The following SUCLG2 variants were observed in gnomAD, a reference collection of about 807,000 sequenced individuals.
The protein encoded by SUCLG2 is succinate-CoA ligase GDP-forming subunit beta.
SUCLG2 carries 42 observed loss-of-function variants against 47.9 expected under a neutral mutation model. The observed-to-expected ratio is 0.88, with a 90% CI of 0.69 to 1.14. SUCLG2 has a LOEUF of 1.14. Ranked by LOEUF, SUCLG2 falls within the 50% of genes most tolerant of loss-of-function variation. SUCLG2 has a pLI of 0.00. For synonymous variants in SUCLG2, 195 were observed against 197.3 expected (o/e 0.99, Z 0.10); for missense variants, 571 against 525.9 (o/e 1.09, Z -0.84).
At chr3:67,480,014 G>A (rs950690568) in intron 9 of SUCLG2, among the ~76,000 whole-genome samples, 3 of 152,144 alleles carry the variant, frequency 2.0e-5, no homozygotes, top group Admixed American at 1.3e-4. Flanking sequence ...AGAAATAGAA[G>A]AGAATAAAAA....
At chr3:67,521,158 T>A (rs1191735202) in intron 4 of SUCLG2, among the ~76,000 whole-genome samples, 1 of 152,206 alleles carries the variant, frequency 6.6e-6, no homozygotes, top group Non-Finnish European at 1.5e-5. Context: ...AAAAGAATAT[T>A]TGCTTGTTCA....
At chr3:67,485,521 G>C (rs1476220495) in intron 9 of SUCLG2, among the ~76,000 whole-genome samples, 1 of 152,164 alleles carries the variant, frequency 6.6e-6, no homozygotes, top group African/African-American at 2.4e-5. Flanking sequence ...CCATTATACT[G>C]CTAGGAAAAT....
At chr3:67,552,867 G>A (rs1393629702) in intron 2 of SUCLG2, among the ~76,000 whole-genome samples, 2 of 152,126 alleles carry the variant, frequency 1.3e-5, no homozygotes, top group Non-Finnish European at 2.9e-5. Context: ...TCATTTGTAA[G>A]CTATTTCAGC....
chr3:67,569,485 T>C (rs1210250667), intron 2 of SUCLG2, among the ~76,000 whole-genome samples: 1 of 152,238 alleles, frequency 6.6e-6, no homozygotes, highest in Non-Finnish European at 1.5e-5. Flanking sequence ...CCCAGAAGGC[T>C]GGACTTTGGC....
intron 2 of SUCLG2, among the ~76,000 whole-genome samples, chr3:67,589,792 G>A (rs191027777): frequency 1.7e-4 from 26 of 152,306 alleles, no homozygotes; most frequent in African/African-American, 4.3e-4. Flanking sequence ...AGCTGGGGGC[G>A]GAAAGAGGAA....
In SUCLG2 at chr3:67,414,364, TC is replaced by T. The variant is rs1223789333; in HGVS notation, c.1063-13514del. On this transcript the variant is annotated intron_variant, in intron 9 of 10. Coordinates refer to ENST00000307227, the MANE Select transcript of SUCLG2 (RefSeq NM_003848.4). The stretch of plus-strand genomic sequence containing the variant: ...CCAAATGACTGTTTTTATAGATGTA[TC>T]GAGTACATTGATGTTGGGGGTACTT... Among the ~76,000 whole-genome samples, 3 of 152,362 alleles carry T rather than the reference TC, an allele frequency of 2.0e-5. No individual in the cohort carries two copies. The East Asian group carries it at 5.8e-4, about 29-fold the overall frequency.
intron 9 of SUCLG2, among the ~76,000 whole-genome samples, chr3:67,461,963 C>A (rs13317382): frequency 6.6e-6 from 1 of 151,738 alleles, no homozygotes. Context: ...CATGCGGGGC[C>A]GGATGATACA....
At chr3:67,511,558 C>T (rs912598780) in intron 6 of SUCLG2, among the ~76,000 whole-genome samples, 5 of 152,160 alleles carry the variant, frequency 3.3e-5, no homozygotes, top group African/African-American at 9.7e-5. Context: ...ACTCTTCCTT[C>T]GTCTTCCACC....
chr3:67,600,910 T>C (rs1708405068), intron 2 of SUCLG2, among the ~76,000 whole-genome samples: 1 of 152,150 alleles, frequency 6.6e-6, no homozygotes, highest in Non-Finnish European at 1.5e-5. Flanking sequence ...GAATAGGAAA[T>C]AACTTCTTCT....
chr3:67,428,166 G>A (rs1184639657), intron 9 of SUCLG2, among the ~76,000 whole-genome samples: 1 of 152,198 alleles, frequency 6.6e-6, no homozygotes, highest in Non-Finnish European at 1.5e-5. Flanking sequence ...CCTGACCCCT[G>A]AGTAGCCTAA....
intron 9 of SUCLG2, among the ~76,000 whole-genome samples, chr3:67,447,873 C>T (rs1181170246): frequency 2.0e-5 from 3 of 152,064 alleles, no homozygotes; most frequent in Non-Finnish European, 4.4e-5. Context: ...GGATTATAGA[C>T]ATGTGCCACC....
chr3:67,613,398 T>C (rs76313511), intron 1 of SUCLG2, among the ~76,000 whole-genome samples: 1 of 152,198 alleles, frequency 6.6e-6, no homozygotes, highest in Non-Finnish European at 1.5e-5. Context: ...GTATTTTTTT[T>C]ATTATATCAC....
At chr3:67,569,560 AAT>A (rs747013317) in intron 2 of SUCLG2, among the ~76,000 whole-genome samples, 71 of 152,332 alleles carry the variant, frequency 4.7e-4, no homozygotes, top group Admixed American at 7.2e-4. Flanking sequence ...CTTAAAATAC[AAT>A]GGACTTTGTC....
At chr3:67,405,517 TG>T (rs1361033971) in intron 9 of SUCLG2, among the ~76,000 whole-genome samples, 1 of 152,158 alleles carries the variant, frequency 6.6e-6, no homozygotes, top group Non-Finnish European at 1.5e-5. Flanking sequence ...ACAACATTTT[TG>T]GGGGATAATA....
intron 9 of SUCLG2, chr3:67,408,801 A>C: frequency 7.4e-7 from 1 of 1,354,014 alleles, no homozygotes; most frequent in Non-Finnish European, 9.5e-7. Context: ...AAATAAACTC[A>C]ATGAGCTTAA....
chr3:67,641,651 A>G (rs1286494798), intron 1 of SUCLG2, among the ~76,000 whole-genome samples: 1 of 152,208 alleles, frequency 6.6e-6, no homozygotes, highest in Admixed American at 6.5e-5. Context: ...CAGACCACAA[A>G]AAGTTCATTG....
chr3:67,447,935 G>C (rs1194449516), intron 9 of SUCLG2, among the ~76,000 whole-genome samples: 2 of 152,114 alleles, frequency 1.3e-5, no homozygotes, highest in African/African-American at 4.8e-5. Context: ...TGCCATGTTG[G>C]CCAGGCTGGT....
chr3:67,431,344 G>A (rs1360361754), intron 9 of SUCLG2, among the ~76,000 whole-genome samples: 2 of 152,092 alleles, frequency 1.3e-5, no homozygotes, highest in African/African-American at 2.4e-5. Flanking sequence ...CAAAACTGAT[G>A]ACAAAAACCA....
chr3:67,572,635 C>G (rs903801304), intron 2 of SUCLG2, among the ~76,000 whole-genome samples: 1 of 152,106 alleles, frequency 6.6e-6, no homozygotes, highest in African/African-American at 2.4e-5. Context: ...TTCTTACTAG[C>G]AGGAAGCTAC....
Sources: gnomAD v4.1 joint callset for allele counts (sites outside exome capture counted in the v4.1 genomes callset) on GRCh38, gnomAD v4.1.1 for gene constraint, MANE v1.5 for transcripts, NCBI Gene and HGNC (gene_info 2026-07-23, HGNC 2026-07-21) for gene names.